MAP4K5: variants seen among roughly 807,000 people sequenced by gnomAD.
MAP4K5 encodes mitogen-activated protein kinase kinase kinase kinase 5.
In MAP4K5, 82 loss-of-function variants were observed where a neutral mutation model predicts 135.6. The observed-to-expected ratio is 0.60, with a 90% CI of 0.51 to 0.73. MAP4K5 has a LOEUF of 0.73. Ranked by LOEUF, MAP4K5 falls within the 30% of genes least tolerant of loss-of-function variation. MAP4K5 has a pLI of 0.00. For missense variants in MAP4K5, 907 were observed against 1,010.9 expected (o/e 0.90, Z 1.39); for synonymous variants, 347 against 335.0 (o/e 1.04, Z -0.39).
chr14:50,479,606 T>C (rs571125951), intron 6 of MAP4K5, among the ~76,000 whole-genome samples: 1 of 152,188 alleles, frequency 6.6e-6, no homozygotes, highest in African/African-American at 2.4e-5. Context: ...TTGTTAAGCA[T>C]CTTAAACAGT....
At chr14:50,505,038 C>T in intron 2 of MAP4K5, 181 bp from the exon 3 acceptor site, 2 of 457,944 alleles carry the variant, frequency 4.4e-6, no homozygotes, top group Non-Finnish European at 7.5e-6. Flanking sequence ...AGATAAGACA[C>T]AAAAGTGTTT....
intron 2 of MAP4K5, among the ~76,000 whole-genome samples, chr14:50,540,974 T>G (rs2140145253): frequency 6.6e-6 from 1 of 152,364 alleles, no homozygotes; most frequent in Non-Finnish European, 1.5e-5. Flanking sequence ...AGAATGTGGA[T>G]TATTAAAAAT....
intron 2 of MAP4K5, among the ~76,000 whole-genome samples, chr14:50,512,227 T>C (rs1430177142): frequency 1.3e-5 from 2 of 152,146 alleles, no homozygotes; most frequent in Non-Finnish European, 2.9e-5. Context: ...GTCTATTAAT[T>C]TAAAGATAAA....
Position 50,532,113 on chromosome 14 carries a change from C to G in MAP4K5, c.-64G>C, listed in dbSNP as rs1277896733. Reference sequence around the variant, plus strand: ...GCTCCCGGATTCCCGCTAACAAGCACGAACGGCGCCGCTTCCCAACATGGA... The same window carrying G: ...GCTCCCGGATTCCCGCTAACAAGCAGGAACGGCGCCGCTTCCCAACATGGA... On this transcript the variant is annotated 5_prime_UTR_variant, in exon 2 of 33. Transcript: ENST00000682126. 1.0e-6 allele frequency: 1 copy of G among 997,930 alleles called. No homozygotes were observed. Among genetic ancestry groups the G allele is most frequent in the Non-Finnish European group, 1.5e-6 (1 of 668,134 alleles). 61.8% of individuals were successfully genotyped at this position (997,930 alleles called of 1,614,324 possible). A position where few individuals can be genotyped will look rare whatever the true frequency, so the allele number is the denominator to read the frequency against.
intron 10 of MAP4K5, among the ~76,000 whole-genome samples, chr14:50,467,211 G>A (rs2139832003): frequency 6.6e-6 from 1 of 152,184 alleles, no homozygotes; most frequent in East Asian, 1.9e-4. Flanking sequence ...TATGGGGGTA[G>A]TATGATAGAG....
chr14:50,515,210 T>G (rs2038011415), intron 2 of MAP4K5, among the ~76,000 whole-genome samples: 1 of 152,180 alleles, frequency 6.6e-6, no homozygotes. Context: ...CCAGTCATCC[T>G]TATTCTTTTA....
intron 26 of MAP4K5, among the ~76,000 whole-genome samples, 194 bp from the exon 27 acceptor site, chr14:50,435,259 T>C (rs541506341): frequency 6.6e-6 from 1 of 152,336 alleles, no homozygotes; most frequent in Non-Finnish European, 1.5e-5. Context: ...TCTAAACAAC[T>C]TGCATATACT....
At position 50,423,162 on chromosome 14, in the gene MAP4K5, A is replaced by C; in HGVS notation, c.2412T>G (p.Ile804Met). 6.4e-7 allele frequency: 1 copy of C among 1,563,606 alleles called. No homozygotes were observed. Among genetic ancestry groups the C allele is most frequent in the Non-Finnish European group, 8.8e-7 (1 of 1,139,212 alleles). Reference protein sequence around the residue: ...SFKSDEVTQEISDETRVFRLL... With the variant: ...SFKSDEVTQEMSDETRVFRLL... ...AGCGGAAAACTCTTGTTTCATCTGAAATCTCCTGGGTAACCTAGGAAAGAA... is the reference window on the plus strand; with the variant it reads ...AGCGGAAAACTCTTGTTTCATCTGACATCTCCTGGGTAACCTAGGAAAGAA... Residue 804 changes from isoleucine (I) to methionine (M), a missense_variant, in exon 32 of 33, where the codon ATT becomes ATG. Physicochemically the swap from Ile to Met is conservative, Grantham distance 10. This residue lies in a region of MAP4K5 where 690 missense variants were observed against 777.4 expected (regional missense o/e 0.89). Coordinates refer to ENST00000682126, the MANE Select transcript of MAP4K5 (RefSeq NM_006575.6).
At chr14:50,466,917 C>T (rs2036845895) in intron 10 of MAP4K5, among the ~76,000 whole-genome samples, 1 of 152,140 alleles carries the variant, frequency 6.6e-6, no homozygotes, top group African/African-American at 2.4e-5. Flanking sequence ...TATACTGTTA[C>T]ATATGTAACT....
At chr14:50,463,848 G>A (rs947969737) in intron 12 of MAP4K5, among the ~76,000 whole-genome samples, 12 of 140,334 alleles carry the variant, frequency 8.6e-5, no homozygotes, top group African/African-American at 2.7e-4. Flanking sequence ...CTGAGATCAT[G>A]CCACTGCACT....
chr14:50,455,613 G>A (rs1226196338), intron 14 of MAP4K5, among the ~76,000 whole-genome samples: 2 of 152,040 alleles, frequency 1.3e-5, no homozygotes, highest in African/African-American at 4.8e-5. Context: ...TAGTGACTAA[G>A]AGTTTTAAAG....
intron 1 of MAP4K5, among the ~76,000 whole-genome samples, chr14:50,544,135 C>A (rs571121825): frequency 7.8e-4 from 119 of 152,208 alleles, no homozygotes; most frequent in Admixed American, 7.2e-4. Flanking sequence ...TCTAATATTA[C>A]TGGACAGTGG....
rs1454841312 is a variant in MAP4K5, at chr14:50,419,698, C to T, written c.*321G>A. 1.7e-5 allele frequency: 4 copies of T among 231,106 alleles called. No individual in the cohort carries two copies. Among genetic ancestry groups the T allele is most frequent in the Middle Eastern group, 1.5e-3 (1 of 658 alleles). 14.3% of individuals were successfully genotyped at this position (231,106 alleles called of 1,614,324 possible). On this transcript the variant is annotated 3_prime_UTR_variant, in exon 33 of 33. Coordinates refer to ENST00000682126, the MANE Select transcript of MAP4K5 (RefSeq NM_006575.6). Reference sequence around the variant, plus strand: ...AAATTTACCTCTCTTAAGATAATCACGAGTTATCTAAAAATACCATGGCAC... The same window carrying T: ...AAATTTACCTCTCTTAAGATAATCATGAGTTATCTAAAAATACCATGGCAC...
chr14:50,523,827 TA>T (rs2038203496), intron 2 of MAP4K5, among the ~76,000 whole-genome samples: 1 of 152,228 alleles, frequency 6.6e-6, no homozygotes, highest in African/African-American at 2.4e-5. Flanking sequence ...GGAGGCCTTC[TA>T]TAAGTATTTG....
chr14:50,484,193 C>T lies in MAP4K5; in HGVS notation c.322+1385G>A, dbSNP rs2037315096. ...TCCAGTGGCACAGAGAATTTTAAATCCACATGCCTAAGAAATAGCCTAAAT... is the reference window on the plus strand; with the variant it reads ...TCCAGTGGCACAGAGAATTTTAAATTCACATGCCTAAGAAATAGCCTAAAT... On this transcript the variant is annotated intron_variant, in intron 5 of 32. Coordinates refer to ENST00000682126, the MANE Select transcript of MAP4K5 (RefSeq NM_006575.6). Among the ~76,000 whole-genome samples, 5 of 152,196 alleles carry T rather than the reference C, an allele frequency of 3.3e-5. No individual in the cohort carries two copies. The South Asian group carries it at 8.3e-4, about 25-fold the overall frequency.
intron 1 of MAP4K5, among the ~76,000 whole-genome samples, chr14:50,545,806 A>G (rs1409424994): frequency 6.6e-6 from 1 of 152,236 alleles, no homozygotes; most frequent in East Asian, 1.9e-4. Context: ...GTTCAAAGGC[A>G]TGCCAGGTTT....
In MAP4K5 at chr14:50,486,133, GT is replaced by G; in HGVS notation, c.227del (p.Asn76ThrfsTer42). 1 of 1,413,304 alleles carries G rather than the reference GT, an allele frequency of 7.1e-7. No homozygotes were observed. Among genetic ancestry groups the G allele is most frequent in the Non-Finnish European group, 9.7e-7 (1 of 1,032,542 alleles). The allele number at this position is 1,413,304 out of a possible 1,614,324, so 87.5% of individuals were successfully genotyped here. On this transcript the variant is annotated frameshift_variant, in exon 4 of 33. Transcript: ENST00000682126. LOFTEE classifies it high-confidence loss of function. The stretch of plus-strand genomic sequence containing the variant: ...GATAACTCCCAAAGTAGGCAACGAT[GT>G]TACAATGTTTACATTCTTTAACCAT... ...IFMVKECKHC[N>X]IVAYFGSYLS... is the part of the protein sequence containing the mutation.
chr14:50,510,446 G>A (rs2140043749), intron 2 of MAP4K5, among the ~76,000 whole-genome samples: 1 of 152,258 alleles, frequency 6.6e-6, no homozygotes, highest in East Asian at 1.9e-4. Flanking sequence ...GATTAAGTGT[G>A]TTGTCATCTT....
chr14:50,444,483 T>C (rs1037712543), intron 18 of MAP4K5, among the ~76,000 whole-genome samples: 1 of 152,106 alleles, frequency 6.6e-6, no homozygotes, highest in African/African-American at 2.4e-5. Flanking sequence ...GTACGGTCAC[T>C]CATGCCTGTA....
Sources: gnomAD v4.1 joint callset for allele counts (sites outside exome capture counted in the v4.1 genomes callset) on GRCh38, gnomAD v4.1.1 for gene constraint, gnomAD v4.1.1 regional missense constraint, MANE v1.5 for transcripts, NCBI Gene and HGNC (gene_info 2026-07-23, HGNC 2026-07-21) for gene names.